Variants in TTN observed in about 807,000 individuals in gnomAD.
TTN encodes the protein titin.
Under a neutral mutation model 3,223.0 loss-of-function variants are expected in TTN, and 1,525 were observed. The ratio of observed to expected loss-of-function variants is 0.47; its 90% CI spans 0.45 to 0.49. The LOEUF is 0.49. TTN is among the 20% of genes least tolerant of loss of function. The pLI, the probability that TTN is intolerant of heterozygous loss-of-function variation, is 0.00. For missense variants in TTN, 40,786 were observed against 43,424.0 expected (o/e 0.94, Z 5.40); for synonymous variants, 14,094 against 15,161.0 (o/e 0.93, Z 5.17).
At chr2:178,724,909 T>A (rs2079076426) in intron 71 of TTN, 2 of 193,834 alleles carry the variant, frequency 1.0e-5, no homozygotes, top group Admixed American at 1.2e-4. Flanking sequence ...GTCTACAGGT[T>A]ATTGTGAATT....
At chr2:178,703,513 G>A (rs1162975784) in intron 106 of TTN, among the ~76,000 whole-genome samples, 1 of 152,146 alleles carries the variant, frequency 6.6e-6, no homozygotes, top group Non-Finnish European at 1.5e-5. Context: ...GGCACCAATA[G>A]CTGAAAGCAG....
chr2:178,604,562 T>G (rs1216710916), intron 281 of TTN, 146 bp downstream of exon 281: 1 of 916,838 alleles, frequency 1.1e-6, no homozygotes, highest in African/African-American at 1.7e-5. Context: ...CTTATGTGTG[T>G]GGGGCTAAAC....
At position 178,663,915 on chromosome 2, in the gene TTN, T is replaced by C; in HGVS notation, c.36365-13A>G. 1 of 1,613,216 alleles carries C rather than the reference T, an allele frequency of 6.2e-7. No individual in the cohort carries two copies. Among genetic ancestry groups the C allele is most frequent in the African/African-American group, 1.3e-5 (1 of 74,934 alleles). ...GAAGCTTCTGGCACTTGAAAGATATTAGTGAAATTACATTTAGGTGTTATG... is the reference window on the plus strand; with the variant it reads ...GAAGCTTCTGGCACTTGAAAGATATCAGTGAAATTACATTTAGGTGTTATG... On this transcript the variant is annotated splice_polypyrimidine_tract_variant and intron_variant, in intron 169 of 362. Transcript: ENST00000589042.
At chr2:178,805,078 C>T (rs1490425430) in intron 1 of TTN, among the ~76,000 whole-genome samples, 1 of 152,094 alleles carries the variant, frequency 6.6e-6, no homozygotes, top group Non-Finnish European at 1.5e-5. Context: ...CGTGGTGGCT[C>T]ATGCTGGTAA....
Position 178,727,179 on chromosome 2 carries a change from T to C in TTN, c.20186A>G (p.Asn6729Ser), listed in dbSNP as rs1337506969. 1 of 1,613,138 alleles carries C rather than the reference T, an allele frequency of 6.2e-7. No homozygotes were observed. Among genetic ancestry groups the C allele is most frequent in the Admixed American group, 1.7e-5 (1 of 59,962 alleles). The change falls in exon 69 of 363, where the codon AAT (asparagine) becomes AGT (serine). Residue 6729 changes from asparagine to serine, a missense_variant. Transcript: ENST00000589042. ...ATCTCCACTGTCCTCAGTACTGAGA[T>C]TGTTCATCTGTATGACGGCCACTGA... The part of the protein sequence containing the change: ...IDSVAVIQMN[N>S]LSTEDSGDFI...
intron 153 of TTN, 53 bp from the exon 154 acceptor site, chr2:178,672,534 A>C: frequency 1.2e-6 from 2 of 1,602,956 alleles, no homozygotes; most frequent in Non-Finnish European, 1.7e-6. Flanking sequence ...GCTTTCATAG[A>C]CAAAAATCAT....
At chr2:178,735,063 T>C (rs2081216226) in intron 50 of TTN, 75 bp from the exon 51 acceptor site, 1 of 1,434,198 alleles carries the variant, frequency 7.0e-7, no homozygotes, top group Non-Finnish European at 9.2e-7. Context: ...AGTAGACATA[T>C]ACAACAAAGA....
rs766920298 is a variant in TTN, at chr2:178,569,281, T to G, written c.76851A>C (p.Ser25617=). Residue 25617 remains serine, a synonymous_variant, in exon 326 of 363, where the codon TCA becomes TCC. Coordinates refer to ENST00000589042, the MANE Select transcript of TTN (RefSeq NM_001267550.2). Reference sequence around the variant, plus strand: ...AAGGAGGTTCCCATGTAATTGATACTGAGTCTTTGGTGATTTCTGTGACTT... The same window carrying G: ...AAGGAGGTTCCCATGTAATTGATACGGAGTCTTTGGTGATTTCTGTGACTT... ...NLKVTEITKD[S]VSITWEPPLL... is the part of the protein sequence containing the mutation. 5.6e-6 allele frequency: 9 copies of G among 1,609,380 alleles called. No individual in the cohort carries two copies. In the African/African-American group the frequency reaches 9.4e-5, roughly 17 times the overall value.
chr2:178,726,381 T>A (rs577899791), intron 69 of TTN: 39 of 183,614 alleles, frequency 2.1e-4, no homozygotes, highest in African/African-American at 8.4e-4. Context: ...TTGCATGAAG[T>A]ATGGAATTCT....
Position 178,799,910 on chromosome 2 carries a change from C to A in TTN, c.584G>T (p.Gly195Val). 1 of 1,614,048 alleles carries A rather than the reference C, an allele frequency of 6.2e-7. No homozygotes were observed. The highest frequency in any genetic ancestry group is 8.5e-7 in the Non-Finnish European group (1 of 1,179,980). The change falls in exon 5 of 363, where the codon GGT (glycine) becomes GTT (valine). Residue 195 changes from glycine to valine, a missense_variant and splice_region_variant. Transcript: ENST00000589042. Reference protein sequence around the residue: ...ATSTAELLVQGEEEVPAKKTK... With the variant: ...ATSTAELLVQVEEEVPAKKTK... ...CTTTTTAGCAGGTACTTCTTCTTCA[C>A]CTGTGGGAAGGGAAAGATGAATGTT...
rs755813803 is a variant in TTN at position 178,584,886 on chromosome 2, C to T, written c.64755G>A (p.Leu21585=). 102 of 1,613,226 alleles carry T rather than the reference C, an allele frequency of 6.3e-5. No homozygotes were observed. Among genetic ancestry groups the T allele is most frequent in the Non-Finnish European group, 8.6e-5 (102 of 1,179,548 alleles). The change falls in exon 310 of 363, where the codon CTG becomes CTA. Residue 21585 remains leucine, a synonymous_variant. Coordinates refer to ENST00000589042, the MANE Select transcript of TTN (RefSeq NM_001267550.2). ...TGGTGATGTTACTGCCTCCGTCCTC[C>T]AGAGGGATGTGCCATGACAGGGAGC... ...DACSLSWHIP[L]EDGGSNITNY...
rs764039100 is a variant in TTN, at chr2:178,671,088, A to G, written c.35308+2T>C. On this transcript the variant is annotated splice_donor_variant, in intron 156 of 362. Coordinates refer to ENST00000589042, the MANE Select transcript of TTN (RefSeq NM_001267550.2). LOFTEE classifies it high-confidence loss of function. ...AGTAGTAATTTTTCACAAAGAAGAT[A>G]CCTTTAGCTGGTGGCTCTTTTCGAG... 14 of 1,599,870 alleles carry G rather than the reference A, an allele frequency of 8.8e-6. No homozygotes were observed.
chr2:178,600,619 G>A, intron 288 of TTN: 1 of 536,364 alleles, frequency 1.9e-6, no homozygotes, highest in Non-Finnish European at 3.3e-6. Flanking sequence ...GAAAATTACA[G>A]CGAGGAAATT....
rs750163793 is a variant in TTN at position 178,559,993 on chromosome 2, G to A, written c.86139C>T (p.Ser28713=). 14 of 1,613,724 alleles carry A rather than the reference G, an allele frequency of 8.7e-6. No homozygotes were observed. Among genetic ancestry groups the A allele is most frequent in the South Asian group, 6.6e-5 (6 of 91,076 alleles). The change falls in exon 326 of 363, where the codon AGC becomes AGT. Residue 28713 remains serine, a synonymous_variant. Transcript: ENST00000589042. The part of the protein sequence containing the change: ...QSLRGTEYTI[S]GLTTGAEYVF... ...CATATTCAGCTCCTGTTGTTAGTCC[G>A]CTTATTGTATATTCTGTCCCTCGTA...
At chr2:178,721,422 A>C (rs1355547421) in intron 78 of TTN, among the ~76,000 whole-genome samples, 2 of 151,842 alleles carry the variant, frequency 1.3e-5, no homozygotes, top group Non-Finnish European at 2.9e-5. Context: ...TTATACTTTA[A>C]GTTTTAGGGT....
chr2:178,645,932 A>G lies in TTN; in HGVS notation c.40396T>C (p.Phe13466Leu). The G allele has an allele frequency of 6.3e-7, 1 of 1,575,914 alleles. No homozygotes were observed. The highest frequency in any genetic ancestry group is 1.4e-5 in the African/African-American group (1 of 73,388). Residue 13466 changes from phenylalanine (F) to leucine (L), a missense_variant, in exon 217 of 363, where the codon TTC becomes CTC. By Grantham distance (22) the Phe-to-Leu change is conservative. Transcript: ENST00000589042. ...TGGCATTTTTTACCTTTAAGTTGGAATATTTTCTCCTTCACATCTTCCTTA... is the reference window on the plus strand; with the variant it reads ...TGGCATTTTTTACCTTTAAGTTGGAGTATTTTCTCCTTCACATCTTCCTTA... ...PPKEDVKEKI[F>L]QLKAIPKKKV... is the part of the protein sequence containing the mutation.
chr2:178,557,176 C>T, intron 329 of TTN, 32 bp from the exon 330 acceptor site: 2 of 1,612,424 alleles, frequency 1.2e-6, no homozygotes, highest in Non-Finnish European at 1.7e-6. Context: ...ATTAGCGGCA[C>T]TTATAATATT....
Position 178,739,740 on chromosome 2 carries a change from C to G in TTN, c.13493G>C (p.Gly4498Ala), listed in dbSNP as rs1277433149. 2 of 1,613,866 alleles carry G rather than the reference C, an allele frequency of 1.2e-6. No homozygotes were observed. Among genetic ancestry groups the G allele is most frequent in the Non-Finnish European group, 1.7e-6 (2 of 1,179,838 alleles). Reference sequence around the variant, plus strand: ...TTCTTCTTGCAAACTTGTTTTGGCTCCTTGCTGAATTCTAGGACCCTCAGC... The same window carrying G: ...TTCTTCTTGCAAACTTGTTTTGGCTGCTTGCTGAATTCTAGGACCCTCAGC... ...LTAEGPRIQQ[G>A]AKTSLQEEMD... The change falls in exon 48 of 363, where the codon GGA (glycine) becomes GCA (alanine). Residue 4498 changes from glycine to alanine, a missense_variant. Coordinates refer to ENST00000589042, the MANE Select transcript of TTN (RefSeq NM_001267550.2).
At position 178,583,632 on chromosome 2, in the gene TTN, A is replaced by ATCAGAAGGT. The variant is rs1263599912; in HGVS notation, c.65541_65549dup (p.Glu21847_Ser21849dup). ...CATTTTCTGCGAGGATAGTCACTGGATCAGAAGGTTCAGAAGGTGGGCTAA... is the reference window on the plus strand; with the variant it reads ...CATTTTCTGCGAGGATAGTCACTGGATCAGAAGGTTCAGAAGGTTCAGAAGGTGGGCTAA... On this transcript the variant is annotated inframe_insertion, in exon 312 of 363. Coordinates refer to ENST00000589042, the MANE Select transcript of TTN (RefSeq NM_001267550.2). 3 of 1,608,994 alleles carry ATCAGAAGGT rather than the reference A, an allele frequency of 1.9e-6. No homozygotes were observed. In the East Asian group the frequency reaches 6.7e-5, roughly 36 times the overall value.
Sources: allele counts gnomAD v4.1 joint callset (sites outside exome capture counted in the v4.1 genomes callset), GRCh38; gene constraint gnomAD v4.1.1; transcripts MANE v1.5; gene names NCBI Gene and HGNC (gene_info 2026-07-23, HGNC 2026-07-21).